Variants in C5orf15 observed in about 807,000 individuals in gnomAD.
The protein encoded by C5orf15 is chromosome 5 open reading frame 15.
C5orf15 carries 10 observed loss-of-function variants against 17.8 expected under a neutral mutation model. The ratio of observed to expected loss-of-function variants is 0.56; its 90% CI spans 0.35 to 0.95. The LOEUF (loss-of-function observed/expected upper bound fraction) is 0.95, where lower values mean the gene tolerates loss of function less well. Ranked by LOEUF, C5orf15 falls within the 40% of genes least tolerant of loss-of-function variation. The pLI is 0.02. For missense variants in C5orf15, 319 were observed against 331.7 expected (o/e 0.96, Z 0.30); for synonymous variants, 124 against 131.0 (o/e 0.95, Z 0.36).
intron 1 of C5orf15, among the ~76,000 whole-genome samples, chr5:133,968,210 C>A (rs1356021709): frequency 6.6e-6 from 1 of 152,078 alleles, no homozygotes; most frequent in Non-Finnish European, 1.5e-5. Flanking sequence ...TGCCTGCTCC[C>A]TGGGTTCCTG....
In C5orf15 at chr5:133,963,734, T is replaced by A. The variant is rs144228849; in HGVS notation, c.140-3714A>T. Reference sequence around the variant, plus strand: ...GACTGGCAGACTCAACTACATGATGTCCATAGAAAGCTCATTTTATTTTTT... The same window carrying A: ...GACTGGCAGACTCAACTACATGATGACCATAGAAAGCTCATTTTATTTTTT... On this transcript the variant is annotated intron_variant, in intron 1 of 2. Coordinates refer to ENST00000231512, the MANE Select transcript of C5orf15 (RefSeq NM_020199.3). Among the ~76,000 whole-genome samples the A allele has an allele frequency of 3.0e-3, 459 of 152,322 alleles. 1 individual carries two copies. The highest frequency in any genetic ancestry group is 0.011 in the African/African-American group (438 of 41,572).
chr5:133,968,591 C>T lies in C5orf15; in HGVS notation c.-7G>A, dbSNP rs1417142934. On this transcript the variant is annotated 5_prime_UTR_variant, in exon 1 of 3. Transcript: ENST00000231512. ...TCGGGACGGCAGCGGCCATAACGGA[C>T]TCGGCTGGGAGCCTGCGCTGTTGCT... The T allele has an allele frequency of 6.9e-6, 11 of 1,604,042 alleles. No individual in the cohort carries two copies. The highest frequency in any genetic ancestry group is 8.5e-6 in the Non-Finnish European group (10 of 1,175,936).
At chr5:133,958,364 GC>G (rs1467019812) in intron 2 of C5orf15, among the ~76,000 whole-genome samples, 1 of 151,964 alleles carries the variant, frequency 6.6e-6, no homozygotes, top group Non-Finnish European at 1.5e-5. Context: ...ATCACTTGAG[GC>G]CAGGAGTTTG....
chr5:133,966,040 C>T (rs1752187245), intron 1 of C5orf15, among the ~76,000 whole-genome samples: 1 of 151,978 alleles, frequency 6.6e-6, no homozygotes, highest in Non-Finnish European at 1.5e-5. Context: ...CTGGATAACA[C>T]GGTGAAACCC....
At chr5:133,961,232 TAAAAAAAAAAAAA>T (rs56684565) in intron 1 of C5orf15, among the ~76,000 whole-genome samples, 12 of 30,442 alleles carry the variant, frequency 3.9e-4, no homozygotes, top group African/African-American at 1.2e-3. Flanking sequence ...AGTCAGTTAG[TAAAAAAAAAAAAA>T]AAAAAAAAAA....
rs1752037900 is a variant in C5orf15 at position 133,955,993 on chromosome 5, T to G, written c.*866A>C. On this transcript the variant is annotated 3_prime_UTR_variant, in exon 3 of 3. Coordinates refer to ENST00000231512, the MANE Select transcript of C5orf15 (RefSeq NM_020199.3). ...AGGTATAATTTTAATTTGAAAGACCTAGGTACAGTATTATTTAAGTGATAA... is the reference window on the plus strand; with the variant it reads ...AGGTATAATTTTAATTTGAAAGACCGAGGTACAGTATTATTTAAGTGATAA... 2 of 152,448 alleles carry G rather than the reference T, an allele frequency of 1.3e-5. No homozygotes were observed. The highest frequency in any genetic ancestry group is 2.9e-5 in the Non-Finnish European group (2 of 68,026). 9.4% of individuals were successfully genotyped at this position (152,448 alleles called of 1,614,324 possible). A position where few individuals can be genotyped will look rare whatever the true frequency, so the allele number is the denominator to read the frequency against.
In C5orf15 at chr5:133,959,475, A is replaced by G. The variant is rs369613068; in HGVS notation, c.666+19T>C. On this transcript the variant is annotated intron_variant, in intron 2 of 2. Coordinates refer to ENST00000231512, the MANE Select transcript of C5orf15 (RefSeq NM_020199.3). The stretch of plus-strand genomic sequence containing the variant: ...ATTATGACTGAAATAATAAAGGGCT[A>G]AAAAAATCCCAAACCTACCTTCCTT... 4 of 1,424,210 alleles carry G rather than the reference A, an allele frequency of 2.8e-6. No homozygotes were observed. Among genetic ancestry groups the G allele is most frequent in the Non-Finnish European group, 2.8e-6 (3 of 1,075,156 alleles). 88.2% of individuals were successfully genotyped at this position (1,424,210 alleles called of 1,614,324 possible).
chr5:133,968,027 G>A (rs1290791352), intron 1 of C5orf15, among the ~76,000 whole-genome samples: 3 of 151,542 alleles, frequency 2.0e-5, no homozygotes, highest in Non-Finnish European at 4.4e-5. Context: ...CACACCCCCA[G>A]CCCCGGCCAC....
intron 2 of C5orf15, 90 bp downstream of exon 2, chr5:133,959,404 C>CAAAAAAAAAAA (rs397999300): frequency 1.6e-5 from 2 of 124,562 alleles, no homozygotes; most frequent in African/African-American, 8.6e-5. Context: ...CTTTTTTTTG[C>CAAAAAAAAAAA]AAAAAAAAAA....
chr5:133,961,476 G>GT (rs1315185734), intron 1 of C5orf15, among the ~76,000 whole-genome samples: 1 of 150,794 alleles, frequency 6.6e-6, no homozygotes, highest in Non-Finnish European at 1.5e-5. Flanking sequence ...AACCTGGGAG[G>GT]TGGAGGTTGC....
At chr5:133,961,183 G>A (rs1752116747) in intron 1 of C5orf15, among the ~76,000 whole-genome samples, 1 of 124,324 alleles carries the variant, frequency 8.0e-6, no homozygotes, top group South Asian at 2.7e-4. Context: ...AATAGCTGGT[G>A]TCAATTAGAA....
At chr5:133,962,557 T>C (rs144273228) in intron 1 of C5orf15, among the ~76,000 whole-genome samples, 509 of 152,324 alleles carry the variant, frequency 3.3e-3, no homozygotes, top group Non-Finnish European at 5.4e-3. Context: ...TAATTCTTAA[T>C]GATCTTTAGC....
intron 1 of C5orf15, among the ~76,000 whole-genome samples, chr5:133,966,534 T>A (rs1056859370): frequency 6.6e-6 from 1 of 152,106 alleles, no homozygotes; most frequent in African/African-American, 2.4e-5. Flanking sequence ...AACAAAAACA[T>A]AAAACAAAAA....
At chr5:133,960,041 C>A in intron 1 of C5orf15, 21 bp from the exon 2 acceptor site, 1 of 1,558,552 alleles carries the variant, frequency 6.4e-7, no homozygotes, top group Non-Finnish European at 8.7e-7. Context: ...CAAAGAATAT[C>A]AAACTGAAAT....
rs1017987669 is a variant in C5orf15 at position 133,955,548 on chromosome 5, T to C, written c.*1311A>G. ...TTGCCATTTATTTTTTAAAATCTTA[T>C]TCAAAATATTAAATAATAGTTTCAG... is the stretch of plus-strand genomic sequence containing the variant. On this transcript the variant is annotated 3_prime_UTR_variant, in exon 3 of 3. Coordinates refer to ENST00000231512, the MANE Select transcript of C5orf15 (RefSeq NM_020199.3). 1 of 152,648 alleles carries C rather than the reference T, an allele frequency of 6.6e-6. No individual in the cohort carries two copies. The highest frequency in any genetic ancestry group is 1.5e-5 in the Non-Finnish European group (1 of 68,034). 9.5% of individuals were successfully genotyped at this position (152,648 alleles called of 1,614,324 possible). A position where few individuals can be genotyped will look rare whatever the true frequency, so the allele number is the denominator to read the frequency against.
At chr5:133,962,806 C>T (rs1189169538) in intron 1 of C5orf15, among the ~76,000 whole-genome samples, 4 of 152,164 alleles carry the variant, frequency 2.6e-5, no homozygotes, top group Non-Finnish European at 4.4e-5. Context: ...CACCTACAAC[C>T]CTCTAATCCT....
intron 1 of C5orf15, among the ~76,000 whole-genome samples, chr5:133,962,796 C>T (rs190717927): frequency 6.6e-6 from 1 of 152,306 alleles, no homozygotes; most frequent in East Asian, 1.9e-4. Flanking sequence ...AATCCATAAA[C>T]ACCTACAACC....
At chr5:133,968,335 C>CG in intron 1 of C5orf15, 111 bp downstream of exon 1, 1 of 1,428,252 alleles carries the variant, frequency 7.0e-7, no homozygotes, top group Non-Finnish European at 9.5e-7. Context: ...AACCAGACAC[C>CG]GCCGTCTGCT....
chr5:133,967,951 A>AC lies in C5orf15; in HGVS notation c.139+494dup, dbSNP rs199722714. Among the ~76,000 whole-genome samples, 1,386 of 151,034 alleles carry AC rather than the reference A, an allele frequency of 9.2e-3. 21 individuals are homozygous for AC. The highest frequency in any genetic ancestry group is 0.032 in the African/African-American group (1,322 of 41,064). On this transcript the variant is annotated intron_variant, in intron 1 of 2. Coordinates refer to ENST00000231512, the MANE Select transcript of C5orf15 (RefSeq NM_020199.3). ...CCACTGACCTCTCCCATTCTGGAAA[A>AC]CCCCCACCTTTCCTTGGTCCTGCAA...
Sources: gnomAD v4.1 joint callset for allele counts (sites outside exome capture counted in the v4.1 genomes callset) on GRCh38, gnomAD v4.1.1 for gene constraint, MANE v1.5 for transcripts, NCBI Gene and HGNC (gene_info 2026-07-23, HGNC 2026-07-21) for gene names.